The following YEATS2 variants were observed in gnomAD, a reference collection of about 807,000 sequenced individuals.
The protein encoded by YEATS2 is YEATS domain-containing protein 2.
In YEATS2, 77 loss-of-function variants were observed where a neutral mutation model predicts 163.2. The ratio of observed to expected loss-of-function variants is 0.47; its 90% confidence interval spans 0.39 to 0.57. YEATS2 has a LOEUF of 0.57. Among genes scored for constraint, YEATS2 ranks in the 20% least tolerant of loss-of-function variants. The pLI is 0.00. For synonymous variants in YEATS2, 631 were observed against 645.1 expected, an observed-to-expected ratio of 0.98 and a Z score of 0.33; for missense variants, 1,549 against 1,729.8, an observed-to-expected ratio of 0.90 and a Z score of 1.85.
In YEATS2 at chr3:183,747,841, A is replaced by G. The variant is rs1194739948; in HGVS notation, c.969+125A>G. On this transcript the variant is annotated intron_variant, in intron 9 of 30. Transcript: ENST00000305135. ...GTCACCCAGGCTGGAGTGCAGTGGC[A>G]TGATCTCGGCTCACTGCAACCTCTT... 23 of 753,964 alleles carry G rather than the reference A, an allele frequency of 3.1e-5. No individual in the cohort carries two copies. In the East Asian group the frequency reaches 7.7e-4, roughly 25 times the overall value. The allele number at this position is 753,964 out of a possible 1,614,324, so 46.7% of individuals were successfully genotyped here. A position where few individuals can be genotyped will look rare whatever the true frequency, so the allele number is the denominator to read the frequency against.
intron 20 of YEATS2, among the ~76,000 whole-genome samples, chr3:183,787,557 C>T (rs981915135): frequency 2.0e-5 from 3 of 151,990 alleles, no homozygotes; most frequent in African/African-American, 7.3e-5. Flanking sequence ...GTCTTTTAAT[C>T]GTTGAAGTGT....
intron 19 of YEATS2, among the ~76,000 whole-genome samples, chr3:183,778,162 T>C (rs181294248): frequency 3.0e-5 from 4 of 133,018 alleles, no homozygotes; most frequent in Non-Finnish European, 5.0e-5. Context: ...ATAAAAAATA[T>C]AGAAAAACAA....
intron 23 of YEATS2, among the ~76,000 whole-genome samples, chr3:183,799,474 C>T (rs1725456822): frequency 6.6e-6 from 1 of 152,142 alleles, no homozygotes; most frequent in Non-Finnish European, 1.5e-5. Context: ...GAGACAGACT[C>T]AGCTTCCCCT....
chr3:183,737,399 C>T lies in YEATS2; in HGVS notation c.924+570C>T, dbSNP rs141555447. Among the ~76,000 whole-genome samples, 365 of 152,258 alleles carry T rather than the reference C, an allele frequency of 2.4e-3. 2 individuals carry two copies. Among genetic ancestry groups the T allele is most frequent in the African/African-American group, 8.5e-3 (355 of 41,554 alleles). Reference sequence around the variant, plus strand: ...CTGAGTATGTTTATGCTTACTGCTACAACACTACTTTGTCCTCTGATGCAA... The same window carrying T: ...CTGAGTATGTTTATGCTTACTGCTATAACACTACTTTGTCCTCTGATGCAA... On this transcript the variant is annotated intron_variant, in intron 8 of 30. Transcript: ENST00000305135.
intron 19 of YEATS2, among the ~76,000 whole-genome samples, chr3:183,784,486 A>G (rs888937173): frequency 2.6e-5 from 4 of 152,200 alleles, no homozygotes; most frequent in Non-Finnish European, 5.9e-5. Context: ...GGTTCCTTAT[A>G]GATTCTGGAT....
chr3:183,806,578 A>C (rs1012430310), intron 27 of YEATS2: 1 of 458,866 alleles, frequency 2.2e-6, no homozygotes. Flanking sequence ...TAATACTCAG[A>C]GGGAGGGGGA....
At chr3:183,798,123 C>T in intron 22 of YEATS2, 72 bp downstream of exon 22, 1 of 1,590,162 alleles carries the variant, frequency 6.3e-7, no homozygotes, top group Non-Finnish European at 8.6e-7. Flanking sequence ...CAGGTGGTGA[C>T]TGCTCTGCCT....
At chr3:183,732,968 C>CTCCT (rs1434771906) in intron 7 of YEATS2, among the ~76,000 whole-genome samples, 3 of 144,678 alleles carry the variant, frequency 2.1e-5, no homozygotes, top group African/African-American at 5.8e-5. Context: ...TCGAACTGTC[C>CTCCT]TCCTACTTTA....
Position 183,724,419 on chromosome 3 carries a change from G to T in YEATS2, c.538G>T (p.Asp180Tyr). The change falls in exon 6 of 31, where the codon GAT becomes TAT. Residue 180 changes from aspartate (D) to tyrosine (Y), a missense_variant and splice_region_variant. Transcript: ENST00000305135. ...GGATGTTGATTATGATTTTTTTCAG[G>T]ATACTTCTAGAATTACTGGCTCCCA... ...EQRPSRNTGR[D>Y]TSRITGSHKT... The T allele has an allele frequency of 5.0e-6, 8 of 1,605,642 alleles. No individual in the cohort carries two copies. The highest frequency in any genetic ancestry group is 6.0e-6 in the Non-Finnish European group (7 of 1,175,706).
At chr3:183,803,560 G>A (rs1725895048) in intron 26 of YEATS2, 1 of 581,708 alleles carries the variant, frequency 1.7e-6, no homozygotes, top group African/African-American at 1.9e-5. Context: ...TTTTTTCTGA[G>A]TTTCAGAGTT....
chr3:183,724,276 T>C (rs947906272), intron 5 of YEATS2, 143 bp from the exon 6 acceptor site: 65 of 604,096 alleles, frequency 1.1e-4, no homozygotes, highest in Admixed American at 4.5e-4. Context: ...TTTAATGCTT[T>C]GAGAGGTGCT....
chr3:183,729,931 C>A (rs1717545068), intron 7 of YEATS2, among the ~76,000 whole-genome samples: 1 of 151,728 alleles, frequency 6.6e-6, no homozygotes, highest in Non-Finnish European at 1.5e-5. Flanking sequence ...CTCAGGTGAT[C>A]TGCCCGCCTT....
intron 5 of YEATS2, among the ~76,000 whole-genome samples, chr3:183,723,139 CTT>C (rs1378758872): frequency 1.3e-5 from 2 of 152,328 alleles, no homozygotes; most frequent in Admixed American, 6.5e-5. Context: ...CTCTGTGAGA[CTT>C]TATATTCTAA....
intron 1 of YEATS2, among the ~76,000 whole-genome samples, chr3:183,711,279 G>C (rs1715177343): frequency 6.6e-6 from 1 of 151,838 alleles, no homozygotes; most frequent in Admixed American, 6.6e-5. Flanking sequence ...GACCATCCTG[G>C]CTAACACAGT....
chr3:183,699,798 T>C (rs537060483), intron 1 of YEATS2, among the ~76,000 whole-genome samples: 26 of 152,232 alleles, frequency 1.7e-4, no homozygotes, highest in African/African-American at 6.0e-4. Context: ...AGATGTTGAA[T>C]TGGTCCTTTT....
chr3:183,745,052 G>A (rs1326589653), intron 8 of YEATS2, among the ~76,000 whole-genome samples: 1 of 152,118 alleles, frequency 6.6e-6, no homozygotes. Context: ...GTTTCACCAT[G>A]TTGGTCAGGC....
At chr3:183,795,407 G>C (rs1306341145) in intron 21 of YEATS2, among the ~76,000 whole-genome samples, 4 of 149,170 alleles carry the variant, frequency 2.7e-5, no homozygotes, top group Non-Finnish European at 5.9e-5. Context: ...TCCCACTTCA[G>C]CCTCCCTAAT....
intron 24 of YEATS2, 175 bp from the exon 25 acceptor site, chr3:183,801,280 C>T (rs1725641509): frequency 4.2e-6 from 2 of 473,156 alleles, no homozygotes; most frequent in Non-Finnish European, 3.7e-6. Flanking sequence ...AAGCATAGAA[C>T]ACCCCTCCTT....
rs533029176 is a variant in YEATS2, at chr3:183,697,838, C to A, written c.-175C>A. 2 of 150,482 alleles carry A rather than the reference C, an allele frequency of 1.3e-5. No homozygotes were observed. Among genetic ancestry groups the A allele is most frequent in the East Asian group, 3.9e-4 (2 of 5,122 alleles). The allele number at this position is 150,482 out of a possible 1,614,324, so 9.3% of individuals were successfully genotyped here. ...GACGTGCGGGGCGGAACGCGCCGGG[C>A]GGGCTCCACCGCGCCGTGTGCTTCC... On this transcript the variant is annotated 5_prime_UTR_variant, in exon 1 of 31. Transcript: ENST00000305135.
Sources: allele counts gnomAD v4.1 joint callset (sites outside exome capture counted in the v4.1 genomes callset), GRCh38; gene constraint gnomAD v4.1.1; transcripts MANE v1.5; gene names NCBI Gene and HGNC (gene_info 2026-07-23, HGNC 2026-07-21).